The following CDH18 variants were observed in gnomAD, a reference collection of about 807,000 sequenced individuals.
CDH18 encodes the protein cadherin-18.
Under a neutral mutation model 67.9 loss-of-function variants are expected in CDH18, and 31 were observed. The observed-to-expected ratio is 0.46, with a 90% CI of 0.34 to 0.62. The LOEUF (loss-of-function observed/expected upper bound fraction) is 0.62, where lower values mean the gene tolerates loss of function less well. Among genes scored for constraint, CDH18 ranks in the 20% least tolerant of loss-of-function variants. The pLI is 0.01. For missense variants in CDH18, 890 were observed against 975.5 expected (o/e 0.91, Z 1.17); for synonymous variants, 362 against 347.2 (o/e 1.04, Z -0.48).
intron 8 of CDH18, among the ~76,000 whole-genome samples, chr5:19,562,920 C>G (rs1739704615): frequency 6.6e-6 from 1 of 152,068 alleles, no homozygotes; most frequent in Non-Finnish European, 1.5e-5. Context: ...TTTTTTTATA[C>G]TAAATCAAGT....
At chr5:20,309,599 CA>C (rs1431771909) in intron 1 of CDH18, among the ~76,000 whole-genome samples, 2 of 152,090 alleles carry the variant, frequency 1.3e-5, no homozygotes, top group Non-Finnish European at 2.9e-5. Flanking sequence ...CTAACTTGTT[CA>C]AAAAACAAAC....
At chr5:19,513,180 T>A (rs1745396072) in intron 10 of CDH18, among the ~76,000 whole-genome samples, 2 of 152,078 alleles carry the variant, frequency 1.3e-5, no homozygotes, top group Admixed American at 1.3e-4. Context: ...GGATCACAGC[T>A]CACTACAGAC....
intron 1 of CDH18, among the ~76,000 whole-genome samples, chr5:20,479,708 G>A (rs945626528): frequency 3.9e-5 from 6 of 151,982 alleles, no homozygotes; most frequent in African/African-American, 1.5e-4. Context: ...AGAGAGAGAC[G>A]GGGGTAGAAA....
intron 2 of CDH18, among the ~76,000 whole-genome samples, chr5:19,973,343 T>C (rs1798203189): frequency 6.6e-6 from 1 of 152,152 alleles, no homozygotes; most frequent in South Asian, 2.1e-4. Context: ...GCAGGTAATA[T>C]TCCATTTTGT....
chr5:19,809,537 A>C (rs1466068019), intron 3 of CDH18, among the ~76,000 whole-genome samples: 1 of 149,608 alleles, frequency 6.7e-6, no homozygotes, highest in East Asian at 2.0e-4. Flanking sequence ...ATAAAAAAAA[A>C]TTAGACTATA....
chr5:19,598,232 T>G (rs2150054432), intron 6 of CDH18, among the ~76,000 whole-genome samples: 1 of 152,290 alleles, frequency 6.6e-6, no homozygotes, highest in Non-Finnish European at 1.5e-5. Context: ...ACTTAGTACC[T>G]CATTTCTATT....
At chr5:19,584,793 CAAAAAA>C (rs61297842) in intron 7 of CDH18, among the ~76,000 whole-genome samples, 2 of 75,092 alleles carry the variant, frequency 2.7e-5, no homozygotes, top group African/African-American at 5.4e-5. Context: ...ACTAAAAATA[CAAAAAA>C]AAAAAAAAAA....
At chr5:19,635,229 T>G (rs533018626) in intron 5 of CDH18, among the ~76,000 whole-genome samples, 9 of 152,312 alleles carry the variant, frequency 5.9e-5, no homozygotes, top group East Asian at 1.9e-4. Context: ...ACCATGTTCC[T>G]TACATGGATT....
intron 3 of CDH18, among the ~76,000 whole-genome samples, chr5:19,824,579 C>G (rs1226425857): frequency 6.6e-6 from 1 of 152,160 alleles, no homozygotes; most frequent in Non-Finnish European, 1.5e-5. Context: ...CTTTTACAAG[C>G]CTTGGGTCCC....
chr5:20,193,278 C>T (rs916263069), intron 2 of CDH18, among the ~76,000 whole-genome samples: 2 of 152,032 alleles, frequency 1.3e-5, no homozygotes, highest in Non-Finnish European at 2.9e-5. Context: ...CACAGAAATA[C>T]AAACTACCAT....
At chr5:19,851,459 T>C (rs1338013151) in intron 2 of CDH18, among the ~76,000 whole-genome samples, 1 of 149,340 alleles carries the variant, frequency 6.7e-6, no homozygotes, top group African/African-American at 2.4e-5. Flanking sequence ...CAAAATTCCC[T>C]TCTTCCCTTC....
chr5:19,915,494 G>A lies in CDH18; in HGVS notation c.-257+65566C>T, dbSNP rs1404404334. ...TAACCAGTAAAATAAACACATTTTC[G>A]AACAGCCTACTGTTGACTGGAAGCC... is the stretch of plus-strand genomic sequence containing the variant. On this transcript the variant is annotated intron_variant, in intron 2 of 12. Coordinates refer to ENST00000382275, the MANE Select transcript of CDH18 (RefSeq NM_004934.5). 3.3e-5 allele frequency among the ~76,000 whole-genome samples: 5 copies of A among 151,834 alleles called. No homozygotes were observed. In the East Asian group the frequency reaches 5.8e-4, roughly 18 times the overall value.
intron 5 of CDH18, among the ~76,000 whole-genome samples, chr5:19,642,958 CA>C (rs1472134230): frequency 6.6e-6 from 1 of 151,910 alleles, no homozygotes; most frequent in Admixed American, 6.6e-5. Flanking sequence ...ATACAGAACT[CA>C]CACCTAAATA....
chr5:20,544,682 T>A (rs1270682811), intron 1 of CDH18, among the ~76,000 whole-genome samples: 1 of 152,068 alleles, frequency 6.6e-6, no homozygotes, highest in African/African-American at 2.4e-5. Context: ...CATAATCCAA[T>A]CACCTCCCAC....
chr5:19,560,320 T>C lies in CDH18; in HGVS notation c.1253+11259A>G, dbSNP rs1396992340. Among the ~76,000 whole-genome samples the C allele has an allele frequency of 2.6e-5, 4 of 151,996 alleles. No homozygotes were observed. The East Asian group carries it at 7.7e-4, about 29-fold the overall frequency. On this transcript the variant is annotated intron_variant, in intron 8 of 12. Coordinates refer to ENST00000382275, the MANE Select transcript of CDH18 (RefSeq NM_004934.5). ...GGTACTGGTATAAAAAATAGGCACA[T>C]AGACCAAAGGAACAAAATAGATAAC...
chr5:19,718,593 C>T (rs1297386042), intron 5 of CDH18, among the ~76,000 whole-genome samples: 1 of 151,884 alleles, frequency 6.6e-6, no homozygotes, highest in African/African-American at 2.4e-5. Context: ...ATTTTATACC[C>T]TACTTAGCAC....
chr5:20,185,974 G>A (rs1580431328), intron 2 of CDH18, among the ~76,000 whole-genome samples: 2 of 151,906 alleles, frequency 1.3e-5, no homozygotes, highest in Non-Finnish European at 2.9e-5. Context: ...GAGAAGTGAA[G>A]GGGAGAAGAG....
chr5:20,249,622 G>A (rs867629140), intron 2 of CDH18, among the ~76,000 whole-genome samples: 22 of 151,786 alleles, frequency 1.4e-4, no homozygotes, highest in African/African-American at 5.1e-4. Context: ...CGCCCGCCTC[G>A]GCCTCCCAAA....
chr5:20,352,686 G>T (rs939312942), intron 1 of CDH18, among the ~76,000 whole-genome samples: 4 of 151,318 alleles, frequency 2.6e-5, no homozygotes, highest in African/African-American at 4.9e-5. Context: ...CCCAGCTATC[G>T]GGAGGCTGAG....
Sources: gnomAD v4.1 joint callset for allele counts (sites outside exome capture counted in the v4.1 genomes callset) on GRCh38, gnomAD v4.1.1 for gene constraint, MANE v1.5 for transcripts, NCBI Gene and HGNC (gene_info 2026-07-23, HGNC 2026-07-21) for gene names.